The following KCNJ13 variants were observed in gnomAD, a reference collection of about 807,000 sequenced individuals.
KCNJ13 encodes the protein inward rectifier potassium channel 13.
KCNJ13 carries 9 observed loss-of-function variants against 24.6 expected under a neutral mutation model. That is an observed-to-expected ratio of 0.37 (90% CI 0.22 to 0.64). The LOEUF (loss-of-function observed/expected upper bound fraction) is 0.64, where lower values mean the gene tolerates loss of function less well. KCNJ13 is among the 30% of genes least tolerant of loss of function. The pLI is 0.64. For missense variants in KCNJ13, 337 were observed against 443.8 expected (o/e 0.76, Z 2.16); for synonymous variants, 148 against 154.7 (o/e 0.96, Z 0.32).
chr2:232,769,225 G>A (rs890049276), intron 2 of KCNJ13, among the ~76,000 whole-genome samples: 1 of 152,032 alleles, frequency 6.6e-6, no homozygotes, highest in Admixed American at 6.6e-5. Flanking sequence ...ATGGGGAGGG[G>A]ACCAATAGAA....
intron 1 of KCNJ13, among the ~76,000 whole-genome samples, chr2:232,772,338 G>A (rs1022396413): frequency 1.3e-5 from 2 of 152,246 alleles, no homozygotes; most frequent in Admixed American, 6.5e-5. Flanking sequence ...GATTAGATTG[G>A]GGGGTAGAAA....
At position 232,767,865 on chromosome 2, in the gene KCNJ13, T is replaced by C. The variant is rs554909970; in HGVS notation, c.*326A>G. 74 of 310,148 alleles carry C rather than the reference T, an allele frequency of 2.4e-4. No homozygotes were observed. Among genetic ancestry groups the C allele is most frequent in the Non-Finnish European group, 3.7e-4 (61 of 164,070 alleles). 19.2% of individuals were successfully genotyped at this position (310,148 alleles called of 1,614,324 possible). On this transcript the variant is annotated 3_prime_UTR_variant, in exon 3 of 3. Transcript: ENST00000233826. ...GATTAATGGTTGATTTTCTTAGAGT[T>C]CAGTTGTGTTAAACTTCACTGTCCA...
rs1699071355 is a variant in KCNJ13, at chr2:232,768,478, C to A, written c.796G>T (p.Glu266Ter). The A allele has an allele frequency of 9.9e-6, 16 of 1,614,040 alleles. No homozygotes were observed. Among genetic ancestry groups the A allele is most frequent in the Non-Finnish European group, 1.2e-5 (14 of 1,180,024 alleles). ...LLQHENPSHF[E>*]LVVFLSAMQE... The stretch of plus-strand genomic sequence containing the variant: ...ATTGCTGAAAGGAATACAACTAATT[C>A]AAAGTGAGAAGGATTTTCATGCTGG... Residue 266 changes from glutamate (E) to a stop codon, truncating the protein, a stop_gained, in exon 3 of 3, where the codon GAA becomes TAA. Transcript: ENST00000233826. LOFTEE classifies it high-confidence loss of function.
Position 232,768,330 on chromosome 2 carries a change from A to G in KCNJ13, c.944T>C (p.Met315Thr). 2 of 1,614,198 alleles carry G rather than the reference A, an allele frequency of 1.2e-6. No individual in the cohort carries two copies. Among genetic ancestry groups the G allele is most frequent in the East Asian group, 2.2e-5 (1 of 44,882 alleles). The change falls in exon 3 of 3, where the codon ATG becomes ACG. Residue 315 changes from methionine (M) to threonine (T), a missense_variant. Around this residue, in one of 3 missense-constraint regions of KCNJ13, gnomAD observed 235 missense variants for 286.9 expected, o/e 0.82. Coordinates refer to ENST00000233826, the MANE Select transcript of KCNJ13 (RefSeq NM_002242.4). ...RGSKGEYQIK[M>T]ENFDKTVPEF... ...AGGGACAGTCTTGTCAAAATTCTCC[A>G]TCTTGATTTGATATTCACCTTTGGA...
In KCNJ13 at chr2:232,768,489, G is replaced by A. The variant is rs773815103; in HGVS notation, c.785C>T (p.Pro262Leu). The change falls in exon 3 of 3, where the codon CCT becomes CTT. Residue 262 changes from proline to leucine, a missense_variant. Pro to Leu is a moderately conservative substitution (Grantham distance 98). This residue lies in a region of KCNJ13 where 235 missense variants were observed against 286.9 expected (regional missense o/e 0.82). Coordinates refer to ENST00000233826, the MANE Select transcript of KCNJ13 (RefSeq NM_002242.4). Reference sequence around the variant, plus strand: ...GAATACAACTAATTCAAAGTGAGAAGGATTTTCATGCTGGAGCAGAGTAGC... The same window carrying A: ...GAATACAACTAATTCAAAGTGAGAAAGATTTTCATGCTGGAGCAGAGTAGC... ...PLATLLQHENPSHFELVVFLS... is the reference protein window; with the variant it reads ...PLATLLQHENLSHFELVVFLS... 7.4e-6 allele frequency: 12 copies of A among 1,614,150 alleles called. No individual in the cohort carries two copies. The highest frequency in any genetic ancestry group is 1.0e-5 in the Non-Finnish European group (12 of 1,180,004).
rs541594749 is a variant in KCNJ13 at position 232,767,783 on chromosome 2, C to T, written c.*408G>A. ...TAAGTATAGTGAAGTCGTCATTCCA[C>T]CCAGGGAGCTAGGTTTGAAACTAAA... On this transcript the variant is annotated 3_prime_UTR_variant, in exon 3 of 3. Transcript: ENST00000233826. The T allele has an allele frequency of 2.6e-5, 6 of 232,064 alleles. No homozygotes were observed. The highest frequency in any genetic ancestry group is 5.3e-5 in the Admixed American group (1 of 19,040). The allele number at this position is 232,064 out of a possible 1,614,324, so 14.4% of individuals were successfully genotyped here.
In KCNJ13 at chr2:232,768,223, A is replaced by G. The variant is rs1699055963; in HGVS notation, c.1051T>C (p.Phe351Leu). Residue 351 changes from phenylalanine (F) to leucine (L), a missense_variant, in exon 3 of 3, where the codon TTT (phenylalanine) becomes CTT (leucine). Around this residue, in one of 3 missense-constraint regions of KCNJ13, gnomAD observed 235 missense variants for 286.9 expected, o/e 0.82. Transcript: ENST00000233826. ...IHINGQSIDN[F>L]QISETGLTE is the part of the protein sequence containing the mutation. Reference sequence around the variant, plus strand: ...GTCAGTCCTGTTTCAGAGATCTGAAAATTGTCAATGCTTTGTCCATTGATG... The same window carrying G: ...GTCAGTCCTGTTTCAGAGATCTGAAGATTGTCAATGCTTTGTCCATTGATG... 7.4e-6 allele frequency: 12 copies of G among 1,614,004 alleles called. No individual in the cohort carries two copies. The highest frequency in any genetic ancestry group is 1.3e-5 in the African/African-American group (1 of 74,938).
At position 232,768,276 on chromosome 2, in the gene KCNJ13, C is replaced by G; in HGVS notation, c.998G>C (p.Ser333Thr). ...GATATCCAGGTCAGTCCTGTTTGGGCTTTTAGAAACCAGAGGAGTTGGAAA... is the reference window on the plus strand; with the variant it reads ...GATATCCAGGTCAGTCCTGTTTGGGGTTTTAGAAACCAGAGGAGTTGGAAA... ...PEFPTPLVSK[S>T]PNRTDLDIHI... The change falls in exon 3 of 3, where the codon AGC becomes ACC. Residue 333 changes from serine to threonine, a missense_variant. Ser to Thr is a moderately conservative substitution (Grantham distance 58, BLOSUM62 1). This residue lies in a region of KCNJ13 where 235 missense variants were observed against 286.9 expected (regional missense o/e 0.82). Transcript: ENST00000233826. The G allele has an allele frequency of 6.2e-7, 1 of 1,614,092 alleles. No homozygotes were observed. The highest frequency in any genetic ancestry group is 1.3e-5 in the African/African-American group (1 of 75,026).
chr2:232,776,080 TG>T (rs55928132), intron 1 of KCNJ13, among the ~76,000 whole-genome samples: 28,493 of 152,042 alleles, frequency 0.19, 2,889 homozygotes, highest in Non-Finnish European at 0.22. Flanking sequence ...TTTTGGCATT[TG>T]TTTTTTTATG....
intron 1 of KCNJ13, among the ~76,000 whole-genome samples, chr2:232,773,772 TC>T (rs1473497170): frequency 2.0e-5 from 3 of 152,192 alleles, no homozygotes; most frequent in Admixed American, 2.0e-4. Context: ...GAGTAAGCTC[TC>T]AGTAAAGTAT....
intron 2 of KCNJ13, among the ~76,000 whole-genome samples, chr2:232,770,092 C>T (rs1267539819): frequency 3.9e-5 from 6 of 152,090 alleles, no homozygotes; most frequent in Admixed American, 2.6e-4. Context: ...AAAGGACTGA[C>T]CCAGTATAGG....
At chr2:232,776,365 G>C (rs1699512191) in intron 1 of KCNJ13, 80 bp downstream of exon 1, 1 of 997,104 alleles carries the variant, frequency 1.0e-6, no homozygotes, top group Admixed American at 1.9e-5. Flanking sequence ...AAGTAATCTA[G>C]CTCTGTTGCT....
At position 232,771,342 on chromosome 2, in the gene KCNJ13, T is replaced by G. The variant is rs1559418642; in HGVS notation, c.21A>C (p.Lys7Asn). The G allele has an allele frequency of 6.2e-7, 1 of 1,612,918 alleles. No individual in the cohort carries two copies. Among genetic ancestry groups the G allele is most frequent in the Non-Finnish European group, 8.5e-7 (1 of 1,179,374 alleles). Residue 7 changes from lysine (K) to asparagine (N), a missense_variant, in exon 2 of 3, where the codon AAA becomes AAC. Coordinates refer to ENST00000233826, the MANE Select transcript of KCNJ13 (RefSeq NM_002242.4). MDSSNCKVIAPLLSQRY... is the reference protein window; with the variant it reads MDSSNCNVIAPLLSQRY... ...TTTGACTTAGGAGAGGAGCAATAAC[T>G]TTGCAATTACTGCTGTCCATCTCAG... is the stretch of plus-strand genomic sequence containing the variant.
Position 232,771,120 on chromosome 2 carries a change from C to A in KCNJ13, c.243G>T (p.Met81Ile). The A allele has an allele frequency of 6.2e-7, 1 of 1,614,106 alleles. No homozygotes were observed. The highest frequency in any genetic ancestry group is 8.5e-7 in the Non-Finnish European group (1 of 1,180,004). ...FAVLWYVLAE[M>I]NGDLELDHDA... ...CATGATCTAGTTCCAGATCACCATT[C>A]ATCTCAGCCAGAACATACCAGAGCA... Residue 81 changes from methionine (M) to isoleucine (I), a missense_variant, in exon 2 of 3, where the codon ATG (methionine) becomes ATT (isoleucine). Physicochemically the swap from Met to Ile is conservative, Grantham distance 10. Around this residue, in one of 3 missense-constraint regions of KCNJ13, gnomAD observed 101 missense variants for 139.2 expected, o/e 0.73. Coordinates refer to ENST00000233826, the MANE Select transcript of KCNJ13 (RefSeq NM_002242.4).
chr2:232,771,398 A>C lies in KCNJ13; in HGVS notation c.-16-20T>G, dbSNP rs748502800. ...ATTTCTCTAAAATCAAGAGTAAATT[A>C]GTAAGCTCTTAACTGTTTTATAGTT... is the stretch of plus-strand genomic sequence containing the variant. On this transcript the variant is annotated intron_variant, in intron 1 of 2. Coordinates refer to ENST00000233826, the MANE Select transcript of KCNJ13 (RefSeq NM_002242.4). The C allele has an allele frequency of 1.4e-6, 2 of 1,464,222 alleles. No homozygotes were observed. Among genetic ancestry groups the C allele is most frequent in the South Asian group, 2.3e-5 (2 of 87,002 alleles). 90.7% of individuals were successfully genotyped at this position (1,464,222 alleles called of 1,614,324 possible). A position where few individuals can be genotyped will look rare whatever the true frequency, so the allele number is the denominator to read the frequency against.
chr2:232,773,910 T>TA (rs61323973), intron 1 of KCNJ13, among the ~76,000 whole-genome samples: 18,324 of 112,572 alleles, frequency 0.16, 1,910 homozygotes, highest in Non-Finnish European at 0.23. Context: ...TGTCTCTATT[T>TA]AAAAAAAAAA....
In KCNJ13 at chr2:232,767,979, G is replaced by T; in HGVS notation, c.*212C>A. On this transcript the variant is annotated 3_prime_UTR_variant, in exon 3 of 3. Coordinates refer to ENST00000233826, the MANE Select transcript of KCNJ13 (RefSeq NM_002242.4). ...AGTGTCTGTCAAGTTGAGTTACATT[G>T]ATTTCAGCAGGTAACAAACTTTGTA... 1 of 560,804 alleles carries T rather than the reference G, an allele frequency of 1.8e-6. No individual in the cohort carries two copies. Among genetic ancestry groups the T allele is most frequent in the Non-Finnish European group, 3.2e-6 (1 of 314,256 alleles). The allele number at this position is 560,804 out of a possible 1,614,324, so 34.7% of individuals were successfully genotyped here. A position where few individuals can be genotyped will look rare whatever the true frequency, so the allele number is the denominator to read the frequency against.
At chr2:232,770,862 G>A (rs753098916) in intron 2 of KCNJ13, 41 bp downstream of exon 2, 1 of 1,431,260 alleles carries the variant, frequency 7.0e-7, no homozygotes, top group African/African-American at 1.4e-5. Flanking sequence ...GTTTTGTTTT[G>A]TTTTTGTTTT....
rs529652402 is a variant in KCNJ13, at chr2:232,766,040, C to T, written c.*2151G>A. The T allele has an allele frequency of 3.8e-5, 18 of 470,928 alleles. No individual in the cohort carries two copies. Among genetic ancestry groups the T allele is most frequent in the African/African-American group, 3.6e-4 (18 of 50,178 alleles). 29.2% of individuals were successfully genotyped at this position (470,928 alleles called of 1,614,324 possible). The stretch of plus-strand genomic sequence containing the variant: ...CATTCCTCCCTCCCAGTAATTTCCG[C>T]CCTTTTTCCATTGTTACTTCCTTTT... On this transcript the variant is annotated 3_prime_UTR_variant, in exon 3 of 3. Coordinates refer to ENST00000233826, the MANE Select transcript of KCNJ13 (RefSeq NM_002242.4).
Sources: allele counts gnomAD v4.1 joint callset (sites outside exome capture counted in the v4.1 genomes callset), GRCh38; gene constraint gnomAD v4.1.1; regional missense constraint gnomAD v4.1.1; transcripts MANE v1.5; gene names NCBI Gene and HGNC (gene_info 2026-07-23, HGNC 2026-07-21).